DFFB: variants seen among roughly 807,000 people sequenced by gnomAD.
DFFB encodes the protein DNA fragmentation factor subunit beta, also known as DNA fragmentation factor 40 kDa subunit.
DFFB carries 29 observed loss-of-function variants against 32.7 expected under a neutral mutation model. That is an observed-to-expected ratio of 0.89 (90% CI 0.66 to 1.21). DFFB has a LOEUF of 1.21. Ranked by LOEUF, DFFB falls within the 50% of genes most tolerant of loss-of-function variation. DFFB has a pLI of 0.00. For missense variants in DFFB, 398 were observed against 440.6 expected (o/e 0.90, Z 0.87); for synonymous variants, 170 against 177.1 (o/e 0.96, Z 0.32).
intron 2 of DFFB, among the ~76,000 whole-genome samples, chr1:3,861,262 T>G (rs551422255): frequency 6.6e-6 from 1 of 152,242 alleles, no homozygotes; most frequent in Non-Finnish European, 1.5e-5. Flanking sequence ...ATGTAAGTTG[T>G]GTGTATCCAT....
At chr1:3,861,028 G>A (rs1036330326) in intron 2 of DFFB, among the ~76,000 whole-genome samples, 8 of 151,830 alleles carry the variant, frequency 5.3e-5, no homozygotes, top group Admixed American at 1.3e-4. Flanking sequence ...GGTGGCGGGC[G>A]CTTGTAATCT....
intron 3 of DFFB, chr1:3,866,337 C>CCT (rs1644980511): frequency 5.3e-6 from 2 of 377,902 alleles, no homozygotes; most frequent in Non-Finnish European, 1.0e-5. Flanking sequence ...CTCCCTGCAC[C>CCT]CTCTGCCTCC....
At chr1:3,872,053 A>G (rs771787811) in intron 5 of DFFB, among the ~76,000 whole-genome samples, 1 of 152,144 alleles carries the variant, frequency 6.6e-6, no homozygotes, top group Non-Finnish European at 1.5e-5. Flanking sequence ...TAGTGCTGAC[A>G]TTTCAACATG....
intron 3 of DFFB, among the ~76,000 whole-genome samples, chr1:3,867,087 G>A (rs1397375097): frequency 2.0e-5 from 3 of 152,146 alleles, no homozygotes; most frequent in African/African-American, 7.2e-5. Flanking sequence ...CAGTAGAGAC[G>A]GAGTTTCACT....
At chr1:3,882,338 G>C (rs1408787409) in intron 6 of DFFB, among the ~76,000 whole-genome samples, 1 of 151,668 alleles carries the variant, frequency 6.6e-6, no homozygotes, top group Non-Finnish European at 1.5e-5. Flanking sequence ...ACAGACGTGA[G>C]CCACCACGCC....
chr1:3,869,859 C>T, intron 5 of DFFB, 84 bp downstream of exon 5: 1 of 1,400,794 alleles, frequency 7.1e-7, no homozygotes, highest in Non-Finnish European at 9.6e-7. Context: ...TGGGGACCTT[C>T]AGCCCTTGCC....
chr1:3,878,703 G>A (rs758224352), intron 6 of DFFB, among the ~76,000 whole-genome samples: 7 of 152,260 alleles, frequency 4.6e-5, no homozygotes, highest in East Asian at 1.9e-4. Context: ...CTCCCGGGCC[G>A]GCCTCGCTGT....
intron 6 of DFFB, among the ~76,000 whole-genome samples, chr1:3,877,620 G>A (rs1216787113): frequency 2.0e-5 from 3 of 152,058 alleles, no homozygotes; most frequent in African/African-American, 4.8e-5. Context: ...GTGAGCCACC[G>A]CGCCTGGCTG....
intron 2 of DFFB, among the ~76,000 whole-genome samples, chr1:3,861,153 C>CA (rs56961503): frequency 0.59 from 72,357 of 122,654 alleles, 21,324 homozygotes; most frequent in Middle Eastern, 0.67. Flanking sequence ...GACTCCATCT[C>CA]AAAAAAAAAA....
intron 5 of DFFB, among the ~76,000 whole-genome samples, chr1:3,870,130 T>G (rs1217850038): frequency 6.6e-6 from 1 of 152,174 alleles, no homozygotes. Context: ...GGCTGGAAGC[T>G]GAGATCAGGT....
chr1:3,860,642 A>G (rs1391759605), intron 2 of DFFB: 1 of 220,126 alleles, frequency 4.5e-6, no homozygotes, highest in Non-Finnish European at 9.9e-6. Context: ...CCGTGGTACA[A>G]TATAAAACAG....
chr1:3,883,626 T>C lies in DFFB; in HGVS notation c.902T>C (p.Leu301Pro). 2 of 1,614,092 alleles carry C rather than the reference T, an allele frequency of 1.2e-6. No individual in the cohort carries two copies. Among genetic ancestry groups the C allele is most frequent in the Non-Finnish European group, 1.7e-6 (2 of 1,180,032 alleles). Residue 301 changes from leucine (L) to proline (P), a missense_variant, in exon 7 of 7, where the codon CTA becomes CCA. Coordinates refer to ENST00000378209, the MANE Select transcript of DFFB (RefSeq NM_004402.4). ...CTTTTTACCTCAGAGAACCTAAAAC[T>C]AGTGCACATTGTCTGCCATAAGAAA... Reference protein sequence around the residue: ...GLLFTSENLKLVHIVCHKKTT... With the variant: ...GLLFTSENLKPVHIVCHKKTT...
chr1:3,859,362 G>T (rs914655549), intron 2 of DFFB, among the ~76,000 whole-genome samples: 1 of 152,198 alleles, frequency 6.6e-6, no homozygotes, highest in Non-Finnish European at 1.5e-5. Flanking sequence ...CTGTATTGAA[G>T]CCTCAGGACA....
rs765633248 is a variant in DFFB at position 3,869,768 on chromosome 1, C to T, written c.674C>T (p.Ser225Phe). The change falls in exon 5 of 7, where the codon TCC (serine) becomes TTC (phenylalanine). Residue 225 changes from serine to phenylalanine, a missense_variant. Transcript: ENST00000378209. The part of the protein sequence containing the change: ...SRLCTPEGWF[S>F]CQGPFDMDSC... ...CTCTGCACACCGGAAGGCTGGTTCT[C>T]CTGCCAGGTGAGCTGTGTGCCCTTT... 3 of 1,603,680 alleles carry T rather than the reference C, an allele frequency of 1.9e-6. No homozygotes were observed. Among genetic ancestry groups the T allele is most frequent in the African/African-American group, 1.3e-5 (1 of 74,822 alleles).
At chr1:3,872,605 G>A in intron 6 of DFFB, 33 bp downstream of exon 6, 10 of 1,273,654 alleles carry the variant, frequency 7.9e-6, no homozygotes, top group Non-Finnish European at 1.1e-5. Flanking sequence ...AGACCCACGA[G>A]TGCCTGCAGG....
rs769990187 is a variant in DFFB, at chr1:3,865,823, A to C, written c.253A>C (p.Ile85Leu). Reference protein sequence around the residue: ...GQAWQGYVSDIRRFLSAFHEP... With the variant: ...GQAWQGYVSDLRRFLSAFHEP... ...CCCATTGGTGGCAGATGTGAGCGAC[A>C]TCAGGCGCTTCCTCAGTGCATTTCA... is the stretch of plus-strand genomic sequence containing the variant. The change falls in exon 3 of 7, where the codon ATC (isoleucine) becomes CTC (leucine). Residue 85 changes from isoleucine (I) to leucine (L), a missense_variant. Coordinates refer to ENST00000378209, the MANE Select transcript of DFFB (RefSeq NM_004402.4). This position sits in a 1 kb window ranked among gnomAD's most constrained non-coding sequence, Gnocchi z 4.7. The C allele has an allele frequency of 1.2e-6, 2 of 1,614,154 alleles. No individual in the cohort carries two copies. The highest frequency in any genetic ancestry group is 3.3e-5 in the Admixed American group (2 of 60,016).
chr1:3,872,225 C>T (rs571833408), intron 5 of DFFB, among the ~76,000 whole-genome samples: 4 of 152,252 alleles, frequency 2.6e-5, no homozygotes, highest in South Asian at 2.1e-4. Flanking sequence ...CCATCCTGGC[C>T]AACAAGGTGA....
At chr1:3,870,021 G>A (rs1645079583) in intron 5 of DFFB, among the ~76,000 whole-genome samples, 1 of 152,256 alleles carries the variant, frequency 6.6e-6, no homozygotes, top group African/African-American at 2.4e-5. Context: ...GCTTGTCTCG[G>A]TAGTGCTGGG....
intron 6 of DFFB, among the ~76,000 whole-genome samples, chr1:3,883,027 G>A (rs1303678355): frequency 6.7e-6 from 1 of 148,812 alleles, no homozygotes; most frequent in Non-Finnish European, 1.5e-5. Flanking sequence ...TTTTGAGATG[G>A]TGTTTTGCTT....
Sources: allele counts gnomAD v4.1 joint callset (sites outside exome capture counted in the v4.1 genomes callset), GRCh38; gene constraint gnomAD v4.1.1; non-coding constraint Gnocchi (gnomAD v3.1); transcripts MANE v1.5; gene names NCBI Gene and HGNC (gene_info 2026-07-23, HGNC 2026-07-21).